Variants in DDX23 observed in about 807,000 individuals in gnomAD.
DDX23 encodes DEAD-box helicase 23, also known as probable ATP-dependent RNA helicase DDX23.
In DDX23, 33 loss-of-function variants were observed where a neutral mutation model predicts 102.7. The observed-to-expected ratio is 0.32, with a 90% CI of 0.24 to 0.43. The LOEUF (loss-of-function observed/expected upper bound fraction) is 0.43. Ranked by LOEUF, DDX23 falls within the 20% of genes least tolerant of loss-of-function variation. The pLI is 1.00. For missense variants in DDX23, 549 were observed against 1,086.6 expected (o/e 0.51, Z 6.96); for synonymous variants, 352 against 376.0 (o/e 0.94, Z 0.74).
Position 48,832,678 on chromosome 12 carries a change from C to G in DDX23, c.1804-105G>C, listed in dbSNP as rs984612618. On this transcript the variant is annotated intron_variant, in intron 13 of 16. Transcript: ENST00000308025. The surrounding 1 kb of genome is among the most constrained non-coding windows in gnomAD (Gnocchi z 4.4). ...AGACTAAAGAATCTAAAATGGGCCA[C>G]AGTATAGGCTTTGATAGCCACCACC... 3.0e-5 allele frequency: 43 copies of G among 1,410,162 alleles called. No homozygotes were observed. The highest frequency in any genetic ancestry group is 4.7e-4 in the Middle Eastern group (2 of 4,300). The allele number at this position is 1,410,162 out of a possible 1,614,324, so 87.4% of individuals were successfully genotyped here. A position where few individuals can be genotyped will look rare whatever the true frequency, so the allele number is the denominator to read the frequency against.
intron 13 of DDX23, 127 bp downstream of exon 13, chr12:48,833,150 A>T: frequency 7.1e-7 from 1 of 1,418,216 alleles, no homozygotes; most frequent in Non-Finnish European, 9.6e-7. Flanking sequence ...ATGCCCAGCT[A>T]ATTTTTTAAA....
Position 48,837,999 on chromosome 12 carries a change from G to C in DDX23, c.562C>G (p.Leu188Val). 1 of 1,613,938 alleles carries C rather than the reference G, an allele frequency of 6.2e-7. No individual in the cohort carries two copies. The highest frequency in any genetic ancestry group is 8.5e-7 in the Non-Finnish European group (1 of 1,180,024). The part of the protein sequence containing the change: ...QQEVEERQRM[L>V]EEERKKRKQF... Reference sequence around the variant, plus strand: ...TTCCTTTTCTTCCTCTCTTCTTCAAGCATCCTCTGCCGCTCTTCCACCTCC... The same window carrying C: ...TTCCTTTTCTTCCTCTCTTCTTCAACCATCCTCTGCCGCTCTTCCACCTCC... Residue 188 changes from leucine (L) to valine (V), a missense_variant, in exon 6 of 17, where the codon CTT becomes GTT. Transcript: ENST00000308025.
At chr12:48,839,533 T>C (rs1723987522) in intron 5 of DDX23, 1 of 191,054 alleles carries the variant, frequency 5.2e-6, no homozygotes, top group African/African-American at 3.1e-5. Context: ...TACTCCATCC[T>C]GGGCGACAGA....
At chr12:48,845,154 TAA>T (rs60186795) in intron 2 of DDX23, among the ~76,000 whole-genome samples, 9 of 131,108 alleles carry the variant, frequency 6.9e-5, no homozygotes, top group Non-Finnish European at 8.0e-5. Context: ...CTCCATCTTT[TAA>T]AAAAAAAAAA....
At chr12:48,841,609 C>T (rs1170796567) in intron 3 of DDX23, among the ~76,000 whole-genome samples, 5 of 152,228 alleles carry the variant, frequency 3.3e-5, no homozygotes, top group Non-Finnish European at 7.3e-5. Context: ...TGCAGGCGTG[C>T]GCCGCCACGC....
chr12:48,850,833 G>A (rs1938744186), intron 1 of DDX23, among the ~76,000 whole-genome samples: 1 of 152,212 alleles, frequency 6.6e-6, no homozygotes, highest in Non-Finnish European at 1.5e-5. Context: ...GATTATTGGT[G>A]ACCTTGACAA....
chr12:48,838,179 G>C, intron 5 of DDX23, 99 bp from the exon 6 acceptor site: 2 of 1,557,692 alleles, frequency 1.3e-6, no homozygotes, highest in South Asian at 2.3e-5. Context: ...TATTTGCTCA[G>C]GCATTAAGCC....
At chr12:48,851,660 A>C (rs1015661671) in intron 1 of DDX23, among the ~76,000 whole-genome samples, 1 of 152,210 alleles carries the variant, frequency 6.6e-6, no homozygotes, top group Non-Finnish European at 1.5e-5. Flanking sequence ...GTAGAATTTT[A>C]AGATATGTAA....
intron 11 of DDX23, 94 bp from the exon 12 acceptor site, chr12:48,834,591 T>C (rs1938438067): frequency 2.5e-6 from 3 of 1,191,472 alleles, no homozygotes; most frequent in Admixed American, 2.2e-5. Context: ...CGGGGAGCAA[T>C]GGGAATGGGG....
chr12:48,851,210 G>A (rs544302500), intron 1 of DDX23, among the ~76,000 whole-genome samples: 26 of 152,348 alleles, frequency 1.7e-4, no homozygotes, highest in Admixed American at 1.4e-3. Context: ...GGTGGCTCAC[G>A]CATGTAATCC....
chr12:48,834,466 T>C lies in DDX23; in HGVS notation c.1414A>G (p.Ile472Val). Residue 472 changes from isoleucine to valine, a missense_variant, in exon 12 of 17, where the codon ATC (isoleucine) becomes GTC (valine). Ile to Val is a conservative substitution (Grantham distance 29, BLOSUM62 3). Transcript: ENST00000308025. ...IEESDQGPYAIILAPTRELAQ... is the reference protein window; with the variant it reads ...IEESDQGPYAVILAPTRELAQ... ...AACTCACGGGTGGGAGCCAGGATGA[T>C]GGCATAAGGGCCTTGGTCTGACTCT... 3.1e-6 allele frequency: 5 copies of C among 1,614,128 alleles called. No individual in the cohort carries two copies. The highest frequency in any genetic ancestry group is 3.4e-6 in the Non-Finnish European group (4 of 1,180,014).
rs778604827 is a variant in DDX23 at position 48,830,333 on chromosome 12, G to A, written c.*136C>T. On this transcript the variant is annotated 3_prime_UTR_variant, in exon 17 of 17. Transcript: ENST00000308025. This position sits in a 1 kb window ranked among gnomAD's most constrained non-coding sequence, Gnocchi z 4.9. ...CGCAGGCCTCCTGACCTGAGGGTCT[G>A]GGCTAGGGAGTTGGATTGTTTTCCT... 1 of 1,082,342 alleles carries A rather than the reference G, an allele frequency of 9.2e-7. No homozygotes were observed. The highest frequency in any genetic ancestry group is 1.4e-6 in the Non-Finnish European group (1 of 722,522). The allele number at this position is 1,082,342 out of a possible 1,614,324, so 67.0% of individuals were successfully genotyped here.
In DDX23 at chr12:48,831,905, T is replaced by C. The variant is rs974332043; in HGVS notation, c.2064+173A>G. 6.4e-6 allele frequency: 4 copies of C among 626,314 alleles called. No individual in the cohort carries two copies. The African/African-American group carries it at 7.4e-5, about 12-fold the overall frequency. The allele number at this position is 626,314 out of a possible 1,614,324, so 38.8% of individuals were successfully genotyped here. On this transcript the variant is annotated intron_variant, in intron 15 of 16. Coordinates refer to ENST00000308025, the MANE Select transcript of DDX23 (RefSeq NM_004818.3). ...TGCAGCAGACAGGGGGTCCCAGCAATTGATTCCATTCTCTTTATTCCCTCA... is the reference window on the plus strand; with the variant it reads ...TGCAGCAGACAGGGGGTCCCAGCAACTGATTCCATTCTCTTTATTCCCTCA...
chr12:48,834,220 C>G (rs1342285489), intron 12 of DDX23, 100 bp downstream of exon 12: 1 of 1,173,948 alleles, frequency 8.5e-7, no homozygotes, highest in African/African-American at 1.5e-5. Flanking sequence ...TAAACCAGCT[C>G]CTTTCTTCAT....
At position 48,851,452 on chromosome 12, in the gene DDX23, G is replaced by A. The variant is rs751859016; in HGVS notation, c.-1+632C>T. On this transcript the variant is annotated intron_variant, in intron 1 of 16. Coordinates refer to ENST00000308025, the MANE Select transcript of DDX23 (RefSeq NM_004818.3). ...CGTGCCATTGCACTCCAGCCTAGGCGACAGAGCGAGACTCCGTCTCAAAAA... is the reference window on the plus strand; with the variant it reads ...CGTGCCATTGCACTCCAGCCTAGGCAACAGAGCGAGACTCCGTCTCAAAAA... 2.0e-3 allele frequency among the ~76,000 whole-genome samples: 300 copies of A among 151,096 alleles called. 4 individuals are homozygous for A. The highest frequency in any genetic ancestry group is 2.3e-3 in the Non-Finnish European group (156 of 67,870).
At chr12:48,847,773 G>C (rs1168098105) in intron 1 of DDX23, among the ~76,000 whole-genome samples, 1 of 152,028 alleles carries the variant, frequency 6.6e-6, no homozygotes, top group African/African-American at 2.4e-5. Context: ...CCGAGATTGT[G>C]CCACTGCACC....
intron 3 of DDX23, among the ~76,000 whole-genome samples, chr12:48,841,595 C>T (rs980244563): frequency 1.3e-5 from 2 of 152,232 alleles, no homozygotes; most frequent in Admixed American, 1.3e-4. Context: ...CGAGTGCCTG[C>T]GATTGCAGGC....
rs762704880 is a variant in DDX23 at position 48,836,296 on chromosome 12, T to C, written c.1237-30A>G. On this transcript the variant is annotated intron_variant, in intron 10 of 16. Transcript: ENST00000308025. The surrounding 1 kb of genome is among the most constrained non-coding windows in gnomAD (Gnocchi z 6.1). ...AGTGACCCCAAGAAAGAGTAATAGG[T>C]ACAGGGAGAGTTATACCACCTGGGC... 1.9e-6 allele frequency: 3 copies of C among 1,610,322 alleles called. No homozygotes were observed. The highest frequency in any genetic ancestry group is 2.5e-6 in the Non-Finnish European group (3 of 1,176,824).
chr12:48,840,065 T>C lies in DDX23; in HGVS notation c.362A>G (p.Asp121Gly). The C allele has an allele frequency of 6.2e-7, 1 of 1,614,196 alleles. No individual in the cohort carries two copies. The highest frequency in any genetic ancestry group is 8.5e-7 in the Non-Finnish European group (1 of 1,180,010). The change falls in exon 4 of 17, where the codon GAC becomes GGC. Residue 121 changes from aspartate to glycine, a missense_variant. Physicochemically the swap from Asp to Gly is moderately conservative, Grantham distance 94. This residue lies in a region of DDX23 where 241 missense variants were observed against 267.0 expected (regional missense o/e 0.90). Coordinates refer to ENST00000308025, the MANE Select transcript of DDX23 (RefSeq NM_004818.3). ...CTCTTCATCCTTCTTAGAGTCTCTG[T>C]CCTTCCGAGATTTAAAGTCTTTTCC... ...GRGKDFKSRK[D>G]RDSKKDEEDE...
Sources: allele counts gnomAD v4.1 joint callset (sites outside exome capture counted in the v4.1 genomes callset), GRCh38; gene constraint gnomAD v4.1.1; regional missense constraint gnomAD v4.1.1; non-coding constraint Gnocchi (gnomAD v3.1); transcripts MANE v1.5; gene names NCBI Gene and HGNC (gene_info 2026-07-23, HGNC 2026-07-21).